BTN2A1: variants seen among roughly 807,000 people sequenced by gnomAD.
The protein encoded by BTN2A1 is butyrophilin, subfamily 2, member A1.
In BTN2A1, 41 loss-of-function variants were observed where a neutral mutation model predicts 34.5. The observed-to-expected ratio is 1.19, with a 90% CI of 0.93 to 1.54. The LOEUF (loss-of-function observed/expected upper bound fraction) is 1.54. Ranked by LOEUF, BTN2A1 falls within the 40% of genes most tolerant of loss-of-function variation. The pLI, the probability that BTN2A1 is intolerant of heterozygous loss-of-function variation, is 0.00. For missense variants in BTN2A1, 642 were observed against 662.0 expected (o/e 0.97, Z 0.33); for synonymous variants, 267 against 258.6 (o/e 1.03, Z -0.31).
At position 26,463,483 on chromosome 6, in the gene BTN2A1, A is replaced by G; in HGVS notation, c.670A>G (p.Thr224Ala). 6.2e-7 allele frequency: 1 copy of G among 1,613,660 alleles called. No individual in the cohort carries two copies. The highest frequency in any genetic ancestry group is 8.5e-7 in the Non-Finnish European group (1 of 1,179,874). Residue 224 changes from threonine (T) to alanine (A), a missense_variant, in exon 4 of 8, where the codon ACC becomes GCC. By Grantham distance (58) the Thr-to-Ala change is moderately conservative (BLOSUM62 0). Transcript: ENST00000312541. ...VRNMSCSINN[T>A]LLGQKKESVI... Reference sequence around the variant, plus strand: ...GAACATGTCCTGCTCTATCAACAACACCCTGCTCGGCCAGAAGAAAGAAAG... The same window carrying G: ...GAACATGTCCTGCTCTATCAACAACGCCCTGCTCGGCCAGAAGAAAGAAAG...
intron 5 of BTN2A1, 152 bp from the exon 6 acceptor site, chr6:26,465,801 A>G (rs370693802): frequency 1.5e-4 from 221 of 1,506,306 alleles, no homozygotes; most frequent in Middle Eastern, 4.8e-4. Context: ...CCACCTGATC[A>G]TACATAATTT....
chr6:26,467,122 G>A (rs528483036), intron 7 of BTN2A1, among the ~76,000 whole-genome samples: 2 of 152,210 alleles, frequency 1.3e-5, no homozygotes, highest in Admixed American at 1.3e-4. Flanking sequence ...GTTGTGATCT[G>A]GTAAAAGGAA....
chr6:26,468,288 C>G lies in BTN2A1; in HGVS notation c.1323C>G (p.Leu441=), dbSNP rs1397436402. The G allele has an allele frequency of 6.2e-7, 1 of 1,614,204 alleles. No homozygotes were observed. Among genetic ancestry groups the G allele is most frequent in the Non-Finnish European group, 8.5e-7 (1 of 1,180,050 alleles). ...CCGTGTCCTCCCCTGATAGGATTCT[C>G]CCTTTGAAGGAGTCCCTTTGCCGGG... The part of the protein sequence containing the change: ...YRAVSSPDRI[L]PLKESLCRVG... The change falls in exon 8 of 8, where the codon CTC becomes CTG. Residue 441 remains leucine (L), a synonymous_variant. Coordinates refer to ENST00000312541, the MANE Select transcript of BTN2A1 (RefSeq NM_007049.5).
In BTN2A1 at chr6:26,468,795, T is replaced by TA; in HGVS notation, c.*247dup. On this transcript the variant is annotated 3_prime_UTR_variant, in exon 8 of 8. Coordinates refer to ENST00000312541, the MANE Select transcript of BTN2A1 (RefSeq NM_007049.5). Reference sequence around the variant, plus strand: ...GATCCAGGCATAGGGAACTAGTTGTTACACAGCTCCCAGCCAAGAAGAAAG... The same window carrying TA: ...GATCCAGGCATAGGGAACTAGTTGTTAACACAGCTCCCAGCCAAGAAGAAAG... 6.3e-7 allele frequency: 1 copy of TA among 1,589,952 alleles called. No homozygotes were observed. Among genetic ancestry groups the TA allele is most frequent in the Non-Finnish European group, 8.6e-7 (1 of 1,166,084 alleles).
intron 7 of BTN2A1, among the ~76,000 whole-genome samples, chr6:26,466,573 A>G (rs1304252020): frequency 6.6e-6 from 1 of 152,150 alleles, no homozygotes; most frequent in African/African-American, 2.4e-5. Flanking sequence ...TCTGCTCTTA[A>G]GAGAACACTA....
At chr6:26,461,797 A>C (rs904146093) in intron 3 of BTN2A1, among the ~76,000 whole-genome samples, 2 of 151,260 alleles carry the variant, frequency 1.3e-5, no homozygotes, top group South Asian at 2.1e-4. Context: ...ATAAATCAAT[A>C]AATAAATAAA....
chr6:26,472,132 G>A (rs1763463241), downstream of BTN2A1, among the ~76,000 whole-genome samples: 2 of 152,036 alleles, frequency 1.3e-5, no homozygotes, highest in Non-Finnish European at 2.9e-5. Context: ...TTAGCATGTG[G>A]CTTGCATCTT....
chr6:26,469,358 T>G lies in BTN2A1; in HGVS notation c.*809T>G, dbSNP rs1763409197. ...AGTGGCTTCAAACTTCCTGGTTTCA[T>G]GATATCTTGAGACGCCTTACAAATG... is the stretch of plus-strand genomic sequence containing the variant. On this transcript the variant is annotated 3_prime_UTR_variant, in exon 8 of 8. Transcript: ENST00000312541. 3.0e-6 allele frequency: 3 copies of G among 984,768 alleles called. No homozygotes were observed. The allele number at this position is 984,768 out of a possible 1,614,324, so 61.0% of individuals were successfully genotyped here. A position where few individuals can be genotyped will look rare whatever the true frequency, so the allele number is the denominator to read the frequency against.
chr6:26,463,310 T>C lies in BTN2A1; in HGVS notation c.497T>C (p.Ile166Thr). 6.2e-7 allele frequency: 1 copy of C among 1,613,758 alleles called. No homozygotes were observed. The highest frequency in any genetic ancestry group is 8.5e-7 in the Non-Finnish European group (1 of 1,179,894). ...HEDGGIRLEC[I>T]SRGWYPKPLT... Reference sequence around the variant, plus strand: ...GACGGGGGCATCCGGCTGGAGTGCATATCTAGAGGGTGGTACCCAAAGCCC... The same window carrying C: ...GACGGGGGCATCCGGCTGGAGTGCACATCTAGAGGGTGGTACCCAAAGCCC... Residue 166 changes from isoleucine (I) to threonine (T), a missense_variant, in exon 4 of 8, where the codon ATA becomes ACA. Ile to Thr is a moderately conservative substitution (Grantham distance 89, BLOSUM62 -1). Transcript: ENST00000312541.
downstream of BTN2A1, among the ~76,000 whole-genome samples, chr6:26,470,731 G>A (rs1469401045): frequency 6.6e-6 from 1 of 152,076 alleles, no homozygotes; most frequent in Non-Finnish European, 1.5e-5. Flanking sequence ...ACAACTCCAG[G>A]CTCTCCGGCC....
rs1256824813 is a variant in BTN2A1, at chr6:26,468,318, C to T, written c.1353C>T (p.Gly451=). ...LPLKESLCRV[G]VFLDYEAGDV... ...TGAAGGAGTCCCTTTGCCGGGTGGG[C>T]GTCTTCCTGGACTATGAAGCTGGAG... is the stretch of plus-strand genomic sequence containing the variant. The change falls in exon 8 of 8, where the codon GGC becomes GGT. Residue 451 remains glycine, a synonymous_variant. Transcript: ENST00000312541. 5.0e-6 allele frequency: 8 copies of T among 1,614,158 alleles called. No individual in the cohort carries two copies. Among genetic ancestry groups the T allele is most frequent in the East Asian group, 2.2e-5 (1 of 44,874 alleles).
rs1311090992 is a variant in BTN2A1 at position 26,468,196 on chromosome 6, G to T, written c.1231G>T (p.Gly411Trp). The T allele has an allele frequency of 1.2e-6, 2 of 1,614,204 alleles. No individual in the cohort carries two copies. The highest frequency in any genetic ancestry group is 1.7e-6 in the Non-Finnish European group (2 of 1,180,042). Residue 411 changes from glycine to tryptophan, a missense_variant, in exon 8 of 8, where the codon GGG (glycine) becomes TGG (tryptophan). Coordinates refer to ENST00000312541, the MANE Select transcript of BTN2A1 (RefSeq NM_007049.5). Reference sequence around the variant, plus strand: ...CTGTAGAGACAGTGTTGAGAGGAAAGGGGAGGTCCTGCTGATTCCTCAGAA... The same window carrying T: ...CTGTAGAGACAGTGTTGAGAGGAAATGGGAGGTCCTGCTGATTCCTCAGAA... The part of the protein sequence containing the change: ...GVCRDSVERK[G>W]EVLLIPQNGF...
rs777364003 is a variant in BTN2A1 at position 26,463,487 on chromosome 6, T to C, written c.674T>C (p.Leu225Pro). The change falls in exon 4 of 8, where the codon CTG becomes CCG. Residue 225 changes from leucine (L) to proline (P), a missense_variant. Transcript: ENST00000312541. ...RNMSCSINNT[L>P]LGQKKESVIF... Reference sequence around the variant, plus strand: ...ATGTCCTGCTCTATCAACAACACCCTGCTCGGCCAGAAGAAAGAAAGTGTC... The same window carrying C: ...ATGTCCTGCTCTATCAACAACACCCCGCTCGGCCAGAAGAAAGAAAGTGTC... 6.2e-7 allele frequency: 1 copy of C among 1,614,056 alleles called. No individual in the cohort carries two copies. The highest frequency in any genetic ancestry group is 8.5e-7 in the Non-Finnish European group (1 of 1,179,948).
At chr6:26,463,170 A>AG (rs1157034501) in intron 3 of BTN2A1, 74 bp from the exon 4 acceptor site, 1 of 1,461,398 alleles carries the variant, frequency 6.8e-7, no homozygotes, top group Non-Finnish European at 9.2e-7. Context: ...CTAGCTTCAC[A>AG]GAAGAGATGC....
At position 26,463,316 on chromosome 6, in the gene BTN2A1, G is replaced by T; in HGVS notation, c.503G>T (p.Arg168Ile). 1 of 1,613,996 alleles carries T rather than the reference G, an allele frequency of 6.2e-7. No homozygotes were observed. The highest frequency in any genetic ancestry group is 8.5e-7 in the Non-Finnish European group (1 of 1,179,962). The stretch of plus-strand genomic sequence containing the variant: ...GGCATCCGGCTGGAGTGCATATCTA[G>T]AGGGTGGTACCCAAAGCCCCTCACA... The part of the protein sequence containing the change: ...DGGIRLECIS[R>I]GWYPKPLTVW... Residue 168 changes from arginine (R) to isoleucine (I), a missense_variant, in exon 4 of 8, where the codon AGA becomes ATA. By Grantham distance (97) the Arg-to-Ile change is moderately conservative. Transcript: ENST00000312541.
chr6:26,458,665 C>A lies in BTN2A1; in HGVS notation c.29C>A (p.Ser10Tyr). 1 of 1,614,114 alleles carries A rather than the reference C, an allele frequency of 6.2e-7. No homozygotes were observed. Among genetic ancestry groups the A allele is most frequent in the Non-Finnish European group, 8.5e-7 (1 of 1,180,016 alleles). The change falls in exon 2 of 8, where the codon TCC (serine) becomes TAC (tyrosine). Residue 10 changes from serine (S) to tyrosine (Y), a missense_variant. Coordinates refer to ENST00000312541, the MANE Select transcript of BTN2A1 (RefSeq NM_007049.5). ...GAATCAGCTGCTGCCCTGCACTTCT[C>A]CCGGCCAGCCTCCCTCCTCCTCCTC... MESAAALHF[S>Y]RPASLLLLLL... is the part of the protein sequence containing the mutation.
At position 26,463,529 on chromosome 6, in the gene BTN2A1, A is replaced by G; in HGVS notation, c.712+4A>G. On this transcript the variant is annotated splice_donor_region_variant and intron_variant, in intron 4 of 7. Coordinates refer to ENST00000312541, the MANE Select transcript of BTN2A1 (RefSeq NM_007049.5). ...GAAAGTGTCATTTTTATTCCAGGTT[A>G]GTTCTCTGCCCTCTGAGACTCGTCG... 2 of 1,612,416 alleles carry G rather than the reference A, an allele frequency of 1.2e-6. No homozygotes were observed. The highest frequency in any genetic ancestry group is 1.7e-4 in the Middle Eastern group (1 of 6,054).
At chr6:26,462,835 G>A (rs779814589) in intron 3 of BTN2A1, 50 of 1,282,266 alleles carry the variant, frequency 3.9e-5, no homozygotes, top group Non-Finnish European at 5.1e-5. Flanking sequence ...AGTCGTCCCA[G>A]AAGCAGAAAG....
chr6:26,467,786 A>C, intron 7 of BTN2A1, 162 bp from the exon 8 acceptor site: 1 of 1,569,558 alleles, frequency 6.4e-7, no homozygotes, highest in Non-Finnish European at 8.6e-7. Context: ...CAGCTTCAGT[A>C]ATTCTCAGTG....
Sources: allele counts gnomAD v4.1 joint callset (sites outside exome capture counted in the v4.1 genomes callset), GRCh38; gene constraint gnomAD v4.1.1; transcripts MANE v1.5; gene names NCBI Gene and HGNC (gene_info 2026-07-23, HGNC 2026-07-21).